The following NRDC variants were observed in gnomAD, a reference collection of about 807,000 sequenced individuals.
NRDC encodes the protein nardilysin convertase.
A neutral mutation model predicts 147.1 loss-of-function variants in NRDC; 54 were observed. The observed-to-expected ratio is 0.37, with a 90% CI of 0.29 to 0.46. The LOEUF is 0.46. NRDC is among the 20% of genes least tolerant of loss of function. The pLI is 1.00. For synonymous variants in NRDC, 440 were observed against 482.1 expected (o/e 0.91, Z 1.14); for missense variants, 1,082 against 1,370.6 (o/e 0.79, Z 3.33).
intron 4 of NRDC, among the ~76,000 whole-genome samples, chr1:51,833,126 C>T (rs1680791904): frequency 6.6e-6 from 1 of 152,008 alleles, no homozygotes; most frequent in Admixed American, 6.6e-5. Flanking sequence ...AATCTTATCC[C>T]TTTTTTGCTT....
chr1:51,860,091 A>T (rs987052055), intron 1 of NRDC: 1 of 173,854 alleles, frequency 5.8e-6, no homozygotes, highest in African/African-American at 2.4e-5. Flanking sequence ...AAATTAACTG[A>T]TGGATTTATG....
At position 51,812,155 on chromosome 1, in the gene NRDC, C is replaced by T. The variant is rs1035014919; in HGVS notation, c.1675-57G>A. 3 of 1,175,908 alleles carry T rather than the reference C, an allele frequency of 2.6e-6. No homozygotes were observed. The African/African-American group carries it at 4.5e-5, about 18-fold the overall frequency. 72.8% of individuals were successfully genotyped at this position (1,175,908 alleles called of 1,614,324 possible). ...CTTCTCCATTATTATATTTGATTTA[C>T]CACAACATACAAATACTTTCTCCCT... On this transcript the variant is annotated intron_variant, in intron 14 of 30. Transcript: ENST00000352171.
At chr1:51,871,991 C>T (rs993712062) in intron 1 of NRDC, among the ~76,000 whole-genome samples, 4 of 152,158 alleles carry the variant, frequency 2.6e-5, no homozygotes, top group Admixed American at 2.0e-4. Flanking sequence ...CCTGCCTCAG[C>T]CTCCCCAGTA....
At chr1:51,833,920 A>G (rs368315152) in intron 4 of NRDC, 97 bp downstream of exon 4, 2 of 1,086,782 alleles carry the variant, frequency 1.8e-6, no homozygotes, top group Admixed American at 2.1e-5. Flanking sequence ...TGGTCCAAGT[A>G]AAGTATTGTG....
intron 24 of NRDC, among the ~76,000 whole-genome samples, chr1:51,793,495 T>C (rs940148733): frequency 8.5e-5 from 13 of 152,348 alleles, no homozygotes; most frequent in African/African-American, 2.6e-4. Flanking sequence ...AAAGTGCTGT[T>C]GCTCCTGAAT....
In NRDC at chr1:51,805,541, T is replaced by C; in HGVS notation, c.2131A>G (p.Ile711Val). ...IPKAYIRFHL[I>V]SPLIQKSAAN... Reference sequence around the variant, plus strand: ...GCAGATTTCTGTATCAACGGTGAAATTAGATGGAAACGTATATATGCTAAA... The same window carrying C: ...GCAGATTTCTGTATCAACGGTGAAACTAGATGGAAACGTATATATGCTAAA... The change falls in exon 19 of 31, where the codon ATT (isoleucine) becomes GTT (valine). Residue 711 changes from isoleucine (I) to valine (V), a missense_variant. This residue lies in a region of NRDC where 635 missense variants were observed against 923.8 expected (regional missense o/e 0.69). Coordinates refer to ENST00000352171, the MANE Select transcript of NRDC (RefSeq NM_001101662.2). The C allele has an allele frequency of 6.3e-7, 1 of 1,589,118 alleles. No homozygotes were observed. The highest frequency in any genetic ancestry group is 8.5e-7 in the Non-Finnish European group (1 of 1,172,264).
intron 10 of NRDC, 107 bp from the exon 11 acceptor site, chr1:51,816,496 T>G (rs1012326191): frequency 4.0e-5 from 20 of 495,644 alleles, no homozygotes; most frequent in Middle Eastern, 4.0e-4. Flanking sequence ...ACAAACTTAT[T>G]CTCACATATG....
chr1:51,873,345 C>T (rs1683170226), intron 1 of NRDC, among the ~76,000 whole-genome samples: 1 of 152,154 alleles, frequency 6.6e-6, no homozygotes, highest in Admixed American at 6.5e-5. Flanking sequence ...GTTCTCAATG[C>T]AACTGTTCCA....
chr1:51,855,950 C>T (rs1682220827), intron 1 of NRDC, among the ~76,000 whole-genome samples: 2 of 152,064 alleles, frequency 1.3e-5, no homozygotes, highest in South Asian at 4.1e-4. Context: ...AAATGATGCG[C>T]AATCTCACTA....
At chr1:51,793,214 A>G (rs1417981549) in intron 24 of NRDC, among the ~76,000 whole-genome samples, 1 of 152,246 alleles carries the variant, frequency 6.6e-6, no homozygotes, top group Non-Finnish European at 1.5e-5. Context: ...GCTAGTGCTA[A>G]GAGGTGACTG....
chr1:51,878,338 C>T lies in NRDC; in HGVS notation c.278G>A (p.Gly93Glu). ...ADESEEEGRR[G>E]SLSNAGDPEI... Reference sequence around the variant, plus strand: ...AGGGTCCCCAGCATTACTGAGAGACCCCCTCCGTCCCTCTTCCTCAGATTC... The same window carrying T: ...AGGGTCCCCAGCATTACTGAGAGACTCCCTCCGTCCCTCTTCCTCAGATTC... The change falls in exon 1 of 31, where the codon GGG becomes GAG. Residue 93 changes from glycine (G) to glutamate (E), a missense_variant. By Grantham distance (98) the Gly-to-Glu change is moderately conservative. Around this residue, in one of 3 missense-constraint regions of NRDC, gnomAD observed 260 missense variants for 253.2 expected, o/e 1.03. Coordinates refer to ENST00000352171, the MANE Select transcript of NRDC (RefSeq NM_001101662.2). 1 of 1,614,144 alleles carries T rather than the reference C, an allele frequency of 6.2e-7. No homozygotes were observed. The highest frequency in any genetic ancestry group is 8.5e-7 in the Non-Finnish European group (1 of 1,180,026).
intron 10 of NRDC, 82 bp downstream of exon 10, chr1:51,817,984 C>T (rs1006129566): frequency 4.9e-5 from 49 of 998,146 alleles, no homozygotes; most frequent in Non-Finnish European, 6.7e-5. Context: ...AATTCAGAAC[C>T]CCCAAACTTA....
At chr1:51,810,897 A>C (rs886065163) in intron 15 of NRDC, among the ~76,000 whole-genome samples, 2 of 152,202 alleles carry the variant, frequency 1.3e-5, no homozygotes, top group Non-Finnish European at 2.9e-5. Flanking sequence ...TTCTAACTAA[A>C]TTTGTACATG....
intron 2 of NRDC, among the ~76,000 whole-genome samples, chr1:51,837,190 T>C (rs576884602): frequency 6.6e-6 from 1 of 152,368 alleles, no homozygotes; most frequent in African/African-American, 2.4e-5. Flanking sequence ...AAATTTGTTT[T>C]CTTCAAACTT....
chr1:51,869,561 T>A (rs1482348333), intron 1 of NRDC, among the ~76,000 whole-genome samples: 2 of 148,622 alleles, frequency 1.3e-5, no homozygotes, highest in Non-Finnish European at 3.0e-5. Context: ...TCAGAGAAGA[T>A]CTCTCTATTT....
chr1:51,830,152 AT>A (rs1343110203), intron 4 of NRDC, among the ~76,000 whole-genome samples: 1 of 151,858 alleles, frequency 6.6e-6, no homozygotes, highest in Non-Finnish European at 1.5e-5. Flanking sequence ...TTTAGTAGAT[AT>A]GGGGTTTCAC....
intron 3 of NRDC, among the ~76,000 whole-genome samples, chr1:51,834,702 C>A (rs1680866038): frequency 6.6e-6 from 1 of 151,858 alleles, no homozygotes; most frequent in Non-Finnish European, 1.5e-5. Flanking sequence ...AAAATTTCAT[C>A]TTTAAAGAAA....
intron 22 of NRDC, among the ~76,000 whole-genome samples, chr1:51,796,706 G>T (rs1228042779): frequency 1.3e-5 from 2 of 151,446 alleles, no homozygotes; most frequent in Admixed American, 1.3e-4. Context: ...TCCTGCCTCA[G>T]CCTCCCGAGT....
intron 1 of NRDC, among the ~76,000 whole-genome samples, chr1:51,857,092 C>T (rs183098524): frequency 1.8e-4 from 28 of 152,274 alleles, no homozygotes; most frequent in Non-Finnish European, 3.7e-4. Context: ...TATATAACAT[C>T]TGTTAAATTA....
Sources: allele counts gnomAD v4.1 joint callset (sites outside exome capture counted in the v4.1 genomes callset), GRCh38; gene constraint gnomAD v4.1.1; regional missense constraint gnomAD v4.1.1; transcripts MANE v1.5; gene names NCBI Gene and HGNC (gene_info 2026-07-23, HGNC 2026-07-21).